PPM1L: variants seen among roughly 807,000 people sequenced by gnomAD.
The protein encoded by PPM1L is protein phosphatase, Mg2+/Mn2+ dependent 1L, also known as protein phosphatase 1L.
A neutral mutation model predicts 31.4 loss-of-function variants in PPM1L; 13 were observed. The observed-to-expected ratio is 0.41, with a 90% confidence interval of 0.27 to 0.66. The LOEUF is 0.66. PPM1L is among the 30% of genes least tolerant of loss of function. The probability of loss-of-function intolerance (pLI) is 0.29; values close to 1 mark genes in which losing one functional copy is unlikely to be tolerated. For synonymous variants in PPM1L, 184 were observed against 175.4 expected (o/e 1.05, Z -0.39); for missense variants, 326 against 453.7 (o/e 0.72, Z 2.56).
chr3:160,786,128 T>A (rs74817029), intron 1 of PPM1L, among the ~76,000 whole-genome samples: 2,584 of 93,434 alleles, frequency 0.028, 80 homozygotes, highest in African/African-American at 0.13. Context: ...ATCTCATTTT[T>A]CTCTCTCTCT....
chr3:160,810,386 C>T (rs1339190581), intron 1 of PPM1L, among the ~76,000 whole-genome samples: 2 of 152,116 alleles, frequency 1.3e-5, no homozygotes, highest in Non-Finnish European at 2.9e-5. Flanking sequence ...AATGTGGTTC[C>T]ACATGTAGCC....
intron 2 of PPM1L, among the ~76,000 whole-genome samples, chr3:161,040,444 T>C (rs2108088639): frequency 6.6e-6 from 1 of 152,308 alleles, no homozygotes; most frequent in African/African-American, 2.4e-5. Flanking sequence ...TCCATTACCA[T>C]TAGTTAAAAT....
intron 1 of PPM1L, among the ~76,000 whole-genome samples, chr3:160,940,619 C>G (rs1440698652): frequency 6.6e-6 from 1 of 152,188 alleles, no homozygotes. Context: ...TGTATTGAGC[C>G]TAGGGGTGCG....
At chr3:160,809,046 G>A (rs1712728697) in intron 1 of PPM1L, among the ~76,000 whole-genome samples, 1 of 152,192 alleles carries the variant, frequency 6.6e-6, no homozygotes, top group Admixed American at 6.5e-5. Context: ...GGGCTGCCAG[G>A]TGCTAATGTC....
intron 2 of PPM1L, among the ~76,000 whole-genome samples, chr3:160,982,223 A>G (rs1425606160): frequency 6.6e-6 from 1 of 152,110 alleles, no homozygotes; most frequent in African/African-American, 2.4e-5. Context: ...AATGCCTTTG[A>G]TGTATCAGTT....
intron 2 of PPM1L, among the ~76,000 whole-genome samples, chr3:161,056,596 A>G (rs1469454995): frequency 6.6e-6 from 1 of 152,190 alleles, no homozygotes; most frequent in Non-Finnish European, 1.5e-5. Context: ...AAATATAAGT[A>G]TGTGTGTGGA....
intron 1 of PPM1L, among the ~76,000 whole-genome samples, chr3:160,851,593 T>C (rs1487929838): frequency 6.6e-6 from 1 of 152,348 alleles, no homozygotes; most frequent in East Asian, 1.9e-4. Context: ...TGTTAAAATA[T>C]TGAAAACATT....
At chr3:160,785,108 T>C (rs997874609) in intron 1 of PPM1L, among the ~76,000 whole-genome samples, 1 of 152,170 alleles carries the variant, frequency 6.6e-6, no homozygotes, top group Non-Finnish European at 1.5e-5. Context: ...CTTATCTCCT[T>C]CAACAAGGAT....
intron 1 of PPM1L, among the ~76,000 whole-genome samples, chr3:160,877,843 G>A (rs1262750691): frequency 6.6e-6 from 1 of 152,184 alleles, no homozygotes; most frequent in African/African-American, 2.4e-5. Context: ...CTTGGCCAGT[G>A]CTCTGTTGTC....
chr3:160,989,078 CAAAT>C (rs1717049901), intron 2 of PPM1L, among the ~76,000 whole-genome samples: 1 of 152,166 alleles, frequency 6.6e-6, no homozygotes, highest in Admixed American at 6.5e-5. Context: ...GAAATAGAAA[CAAAT>C]AAGACAATCC....
chr3:160,981,876 C>T lies in PPM1L; in HGVS notation c.574+19966C>T, dbSNP rs148950684. 1.9e-3 allele frequency among the ~76,000 whole-genome samples: 291 copies of T among 152,158 alleles called. 6 individuals carry two copies. The highest frequency in any genetic ancestry group is 7.6e-4 in the Non-Finnish European group (52 of 67,992). ...CTCCCAGGTTCAAGTGATTCTCCTG[C>T]CTCAGCCTCCTGAGTAACTGGGATT... On this transcript the variant is annotated intron_variant, in intron 2 of 3. Transcript: ENST00000498165.
chr3:161,056,235 C>G (rs1157370302), intron 2 of PPM1L, among the ~76,000 whole-genome samples: 1 of 152,072 alleles, frequency 6.6e-6, no homozygotes, highest in Non-Finnish European at 1.5e-5. Context: ...AGCTGAGGCT[C>G]TCAATGTCAC....
At chr3:160,856,685 A>G (rs1560128106) in intron 1 of PPM1L, among the ~76,000 whole-genome samples, 1 of 152,128 alleles carries the variant, frequency 6.6e-6, no homozygotes, top group Non-Finnish European at 1.5e-5. Context: ...GTGAGGATTG[A>G]AAAACTGCCT....
intron 2 of PPM1L, among the ~76,000 whole-genome samples, chr3:161,032,598 TGAA>T (rs1437794570): frequency 6.6e-6 from 1 of 151,028 alleles, no homozygotes; most frequent in Non-Finnish European, 1.5e-5. Context: ...GGGATGGGGG[TGAA>T]GAGGGAGGAA....
chr3:160,930,452 C>T (rs1714745255), intron 1 of PPM1L, among the ~76,000 whole-genome samples: 2 of 152,192 alleles, frequency 1.3e-5, no homozygotes, highest in South Asian at 2.1e-4. Flanking sequence ...TTCTGTATCT[C>T]GTTAGTTCAT....
At chr3:160,764,475 C>CTT (rs34120245) in intron 1 of PPM1L, among the ~76,000 whole-genome samples, 1 of 85,612 alleles carries the variant, frequency 1.2e-5, no homozygotes, top group African/African-American at 6.2e-5. Context: ...CTCTCTCTCT[C>CTT]TTTTTTTTTT....
At chr3:160,936,001 GT>G (rs1395660087) in intron 1 of PPM1L, among the ~76,000 whole-genome samples, 1 of 152,184 alleles carries the variant, frequency 6.6e-6, no homozygotes, top group African/African-American at 2.4e-5. Flanking sequence ...ACTTACCTGG[GT>G]CAAGGGTGTG....
At chr3:160,938,608 T>G (rs1447576538) in intron 1 of PPM1L, among the ~76,000 whole-genome samples, 1 of 152,162 alleles carries the variant, frequency 6.6e-6, no homozygotes, top group Non-Finnish European at 1.5e-5. Flanking sequence ...GGTAGTTTGG[T>G]AGAGGGAAAT....
chr3:160,786,259 C>A (rs1299166149), intron 1 of PPM1L, among the ~76,000 whole-genome samples: 1 of 132,610 alleles, frequency 7.5e-6, no homozygotes, highest in Non-Finnish European at 1.5e-5. Context: ...ACTCTGTTGC[C>A]CAGGCTGGAG....
Sources: gnomAD v4.1 joint callset for allele counts (sites outside exome capture counted in the v4.1 genomes callset) on GRCh38, gnomAD v4.1.1 for gene constraint, MANE v1.5 for transcripts, NCBI Gene and HGNC (gene_info 2026-07-23, HGNC 2026-07-21) for gene names.